The following ANKS1B variants were observed in gnomAD, a reference collection of about 807,000 sequenced individuals.
The protein encoded by ANKS1B is ankyrin repeat and sterile alpha motif domain-containing protein 1B.
In ANKS1B, 36 loss-of-function variants were observed where a neutral mutation model predicts 148.3. That is an observed-to-expected ratio of 0.24 (90% confidence interval 0.19 to 0.32). The LOEUF (loss-of-function observed/expected upper bound fraction) is 0.32. Ranked by LOEUF, ANKS1B falls within the 10% of genes least tolerant of loss-of-function variation. The pLI is 1.00. For synonymous variants in ANKS1B, 542 were observed against 560.8 expected (o/e 0.97, Z 0.47); for missense variants, 1,157 against 1,542.6 (o/e 0.75, Z 4.19).
At chr12:99,517,225 T>C (rs908884793) in intron 9 of ANKS1B, among the ~76,000 whole-genome samples, 12 of 152,120 alleles carry the variant, frequency 7.9e-5, no homozygotes, top group Admixed American at 1.3e-4. Flanking sequence ...GTAGAGATCT[T>C]TCACTTCTTT....
chr12:99,763,994 C>T (rs1029986603), intron 8 of ANKS1B, among the ~76,000 whole-genome samples: 2 of 152,120 alleles, frequency 1.3e-5, no homozygotes, highest in Admixed American at 6.6e-5. Context: ...AAGAAACTGG[C>T]GAGGTATTCA....
intron 1 of ANKS1B, among the ~76,000 whole-genome samples, chr12:99,868,083 C>T (rs1028878010): frequency 5.9e-5 from 9 of 152,036 alleles, no homozygotes; most frequent in Non-Finnish European, 1.3e-4. Context: ...CTATAAAATT[C>T]AACACCAATT....
chr12:99,113,277 G>A (rs112663782), intron 15 of ANKS1B, among the ~76,000 whole-genome samples: 3,089 of 152,262 alleles, frequency 0.02, 42 homozygotes, highest in African/African-American at 0.027. Flanking sequence ...GAACGAATGG[G>A]AAGTGGCAGA....
In ANKS1B at chr12:99,302,242, A is replaced by G. The variant is rs543080893; in HGVS notation, c.1757-55378T>C. ...GTACATGACAAAAGAATTGATTTACAGGGGAATTTTGCCGCAGTGTTATCC... is the reference window on the plus strand; with the variant it reads ...GTACATGACAAAAGAATTGATTTACGGGGGAATTTTGCCGCAGTGTTATCC... On this transcript the variant is annotated intron_variant, in intron 12 of 26. Coordinates refer to ENST00000683438, the MANE Select transcript of ANKS1B (RefSeq NM_001352186.2). 2.6e-5 allele frequency among the ~76,000 whole-genome samples: 4 copies of G among 152,268 alleles called. No individual in the cohort carries two copies. In the South Asian group the frequency reaches 8.3e-4, roughly 32 times the overall value.
chr12:99,126,041 CAGAGTTCTTGG>C (rs1489043788), intron 15 of ANKS1B, among the ~76,000 whole-genome samples: 4 of 152,080 alleles, frequency 2.6e-5, no homozygotes, highest in Non-Finnish European at 1.5e-5. Context: ...CCCCAAAACA[CAGAGTTCTTGG>C]TATGATGTAT....
intron 14 of ANKS1B, among the ~76,000 whole-genome samples, chr12:99,229,220 A>G (rs563019984): frequency 2.8e-4 from 42 of 151,996 alleles, no homozygotes; most frequent in Admixed American, 5.9e-4. Flanking sequence ...ATTTAGTAAC[A>G]AATTATGGCT....
At chr12:99,840,912 G>A (rs1460739534) in intron 1 of ANKS1B, among the ~76,000 whole-genome samples, 2 of 152,112 alleles carry the variant, frequency 1.3e-5, no homozygotes, top group Non-Finnish European at 2.9e-5. Context: ...TTAGTATGAT[G>A]CTTGCTACTG....
At chr12:99,649,765 A>G (rs2098405909) in intron 9 of ANKS1B, 1 of 173,122 alleles carries the variant, frequency 5.8e-6, no homozygotes, top group Non-Finnish European at 1.2e-5. Flanking sequence ...TGTGGTGGCT[A>G]CAGGAGCAGA....
intron 25 of ANKS1B, among the ~76,000 whole-genome samples, chr12:98,761,376 C>A (rs915654085): frequency 6.6e-6 from 1 of 152,180 alleles, no homozygotes; most frequent in Non-Finnish European, 1.5e-5. Context: ...ATACTATTTT[C>A]GGAAGGGAAG....
intron 17 of ANKS1B, among the ~76,000 whole-genome samples, chr12:98,940,132 T>C (rs1409042109): frequency 6.6e-6 from 1 of 152,210 alleles, no homozygotes; most frequent in African/African-American, 2.4e-5. Flanking sequence ...TCCTCTCTTC[T>C]GTCAGTTGGG....
chr12:99,845,531 G>C (rs1486947711), intron 1 of ANKS1B, among the ~76,000 whole-genome samples: 1 of 152,044 alleles, frequency 6.6e-6, no homozygotes, highest in Non-Finnish European at 1.5e-5. Context: ...GTTTATTGAT[G>C]TGTTTATGTT....
At chr12:99,825,456 G>T in intron 1 of ANKS1B, 67 bp from the exon 2 acceptor site, 1 of 1,273,080 alleles carries the variant, frequency 7.9e-7, no homozygotes, top group Non-Finnish European at 1.1e-6. Flanking sequence ...ACAAAAAGAA[G>T]GCTGGTAGCC....
intron 14 of ANKS1B, among the ~76,000 whole-genome samples, chr12:99,209,816 A>G (rs964520222): frequency 6.6e-6 from 1 of 152,112 alleles, no homozygotes; most frequent in Non-Finnish European, 1.5e-5. Flanking sequence ...CACAAATAAC[A>G]TCTCTGACCA....
At chr12:99,727,700 G>A (rs980593157) in intron 8 of ANKS1B, among the ~76,000 whole-genome samples, 2 of 152,168 alleles carry the variant, frequency 1.3e-5, no homozygotes, top group South Asian at 4.2e-4. Flanking sequence ...TAATCAAAAA[G>A]AACAAAGCAG....
intron 14 of ANKS1B, among the ~76,000 whole-genome samples, chr12:99,230,884 A>G (rs116800175): frequency 0.013 from 1,954 of 152,234 alleles, 34 homozygotes; most frequent in African/African-American, 0.045. Flanking sequence ...ATAAAAATAA[A>G]TCCTCTCTTG....
intron 12 of ANKS1B, among the ~76,000 whole-genome samples, chr12:99,317,647 C>T (rs897001098): frequency 1.3e-5 from 2 of 152,142 alleles, no homozygotes; most frequent in Admixed American, 6.5e-5. Context: ...TAATTGAATA[C>T]CCTTTATTTC....
intron 17 of ANKS1B, among the ~76,000 whole-genome samples, chr12:98,933,598 C>T (rs1299673605): frequency 6.6e-6 from 1 of 152,024 alleles, no homozygotes; most frequent in Non-Finnish European, 1.5e-5. Context: ...AGCAGCTATA[C>T]CATTTTACGT....
intron 17 of ANKS1B, among the ~76,000 whole-genome samples, chr12:98,985,328 C>T (rs187863746): frequency 2.0e-5 from 3 of 152,176 alleles, no homozygotes; most frequent in East Asian, 3.9e-4. Context: ...ATTGACCATA[C>T]TGAAGCCTTG....
chr12:99,939,958 T>C (rs192442370), intron 1 of ANKS1B, among the ~76,000 whole-genome samples: 8 of 152,330 alleles, frequency 5.3e-5, no homozygotes, highest in East Asian at 1.9e-4. Flanking sequence ...TTTAATTGTA[T>C]ACAATGTTAA....
Sources: allele counts gnomAD v4.1 joint callset (sites outside exome capture counted in the v4.1 genomes callset), GRCh38; gene constraint gnomAD v4.1.1; transcripts MANE v1.5; gene names NCBI Gene and HGNC (gene_info 2026-07-23, HGNC 2026-07-21).